The following NRXN1 variants were observed in gnomAD, a reference collection of about 807,000 sequenced individuals.
NRXN1 encodes the protein neurexin 1.
Under a neutral mutation model 150.9 loss-of-function variants are expected in NRXN1, and 39 were observed. That is an observed-to-expected ratio of 0.26 (90% CI 0.20 to 0.34). The LOEUF is 0.34. Among genes scored for constraint, NRXN1 ranks in the 10% least tolerant of loss-of-function variants. The pLI, the probability that NRXN1 is intolerant of heterozygous loss-of-function variation, is 1.00. For synonymous variants in NRXN1, 924 were observed against 757.0 expected (o/e 1.22, Z -3.62); for missense variants, 1,815 against 1,949.9 (o/e 0.93, Z 1.30).
At chr2:50,518,066 A>G (rs891214104) in intron 12 of NRXN1, among the ~76,000 whole-genome samples, 1 of 152,134 alleles carries the variant, frequency 6.6e-6, no homozygotes, top group Non-Finnish European at 1.5e-5. Flanking sequence ...CCCATTTATG[A>G]CAGACAAGGA....
rs2078142699 is a variant in NRXN1 at position 50,347,742 on chromosome 2, GAAAAAGAA to G, written c.3365-110780_3365-110773del. 5 of 986,220 alleles carry G rather than the reference GAAAAAGAA, an allele frequency of 5.1e-6. No individual in the cohort carries two copies. Among genetic ancestry groups the G allele is most frequent in the Non-Finnish European group, 6.0e-6 (5 of 830,610 alleles). 61.1% of individuals were successfully genotyped at this position (986,220 alleles called of 1,614,324 possible). Reference sequence around the variant, plus strand: ...AGGGAGAGAAACAGAAAAAGAAAAAGAAAAAGAAAAAAAGAAAAGAAAAACCACACACG... The same window carrying G: ...AGGGAGAGAAACAGAAAAAGAAAAAGAAAAAGAAAAGAAAAACCACACACG... On this transcript the variant is annotated intron_variant, in intron 17 of 22. Transcript: ENST00000401669. The surrounding 1 kb of genome is among the most constrained non-coding windows in gnomAD (Gnocchi z 4.9).
chr2:50,895,959 C>T (rs534439332), intron 5 of NRXN1, among the ~76,000 whole-genome samples: 1 of 152,128 alleles, frequency 6.6e-6, no homozygotes, highest in East Asian at 1.9e-4. Context: ...GCTCCACAAC[C>T]CTCCAAAGCT....
intron 5 of NRXN1, among the ~76,000 whole-genome samples, chr2:50,786,390 A>G (rs536460792): frequency 3.3e-4 from 51 of 152,250 alleles, no homozygotes; most frequent in Non-Finnish European, 6.3e-4. Context: ...CACTCTCAGT[A>G]CCTACCAGTT....
chr2:50,561,218 G>A (rs972566650), intron 8 of NRXN1, among the ~76,000 whole-genome samples: 5 of 152,178 alleles, frequency 3.3e-5, no homozygotes, highest in African/African-American at 1.2e-4. Flanking sequence ...GAAAGACTGA[G>A]TTGTCCTTGG....
At chr2:50,944,386 G>A (rs1436958723) in intron 2 of NRXN1, among the ~76,000 whole-genome samples, 2 of 152,164 alleles carry the variant, frequency 1.3e-5, no homozygotes, top group East Asian at 3.9e-4. Flanking sequence ...GTGAGCCTCA[G>A]TCACCCTATC....
At chr2:50,817,005 C>T (rs1294611674) in intron 5 of NRXN1, among the ~76,000 whole-genome samples, 1 of 151,970 alleles carries the variant, frequency 6.6e-6, no homozygotes, top group African/African-American at 2.4e-5. Context: ...ACACAGGGCT[C>T]TCGGAGATCA....
At chr2:50,079,918 G>C (rs1217764015) in intron 19 of NRXN1, among the ~76,000 whole-genome samples, 1 of 151,980 alleles carries the variant, frequency 6.6e-6, no homozygotes, top group African/African-American at 2.4e-5. Context: ...ACCCACAGTC[G>C]AATGCAGTCT....
intron 18 of NRXN1, among the ~76,000 whole-genome samples, chr2:50,131,341 T>A (rs964708880): frequency 1.3e-5 from 2 of 152,216 alleles, no homozygotes; most frequent in Non-Finnish European, 2.9e-5. Context: ...CTGTTTAAGT[T>A]TATTCAATTA....
rs1248006956 is a variant in NRXN1, at chr2:50,614,086, A to G, written c.1320+5936T>C. ...CCCGAAAGAGTGAGGGATGAGGCATATGGGAAGGTCAATGTAAGTAAATTG... is the reference window on the plus strand; with the variant it reads ...CCCGAAAGAGTGAGGGATGAGGCATGTGGGAAGGTCAATGTAAGTAAATTG... On this transcript the variant is annotated intron_variant, in intron 8 of 22. Coordinates refer to ENST00000401669, the MANE Select transcript of NRXN1 (RefSeq NM_001330078.2). Among the ~76,000 whole-genome samples the G allele has an allele frequency of 2.6e-5, 4 of 152,164 alleles. No homozygotes were observed. The East Asian group carries it at 7.7e-4, about 29-fold the overall frequency.
chr2:50,069,528 T>C (rs1212016074), intron 19 of NRXN1, among the ~76,000 whole-genome samples: 1 of 152,210 alleles, frequency 6.6e-6, no homozygotes, highest in East Asian at 1.9e-4. Context: ...TAAAAAGCAG[T>C]GAAATATTTG....
intron 5 of NRXN1, among the ~76,000 whole-genome samples, chr2:50,641,121 C>T (rs1684015095): frequency 6.6e-6 from 1 of 152,070 alleles, no homozygotes; most frequent in Non-Finnish European, 1.5e-5. Flanking sequence ...TTTCCTTCTT[C>T]TAATAGAAAA....
At chr2:50,124,864 T>G (rs1704346335) in intron 18 of NRXN1, among the ~76,000 whole-genome samples, 1 of 152,186 alleles carries the variant, frequency 6.6e-6, no homozygotes, top group South Asian at 2.1e-4. Flanking sequence ...AGATCCCAGT[T>G]CCTCCTGCTG....
intron 5 of NRXN1, among the ~76,000 whole-genome samples, chr2:50,657,473 G>A (rs1295061217): frequency 1.3e-5 from 2 of 152,008 alleles, no homozygotes; most frequent in Non-Finnish European, 2.9e-5. Flanking sequence ...GAATATGAGT[G>A]ACAGAGGACA....
At chr2:49,958,140 G>A (rs1219930936) in intron 21 of NRXN1, among the ~76,000 whole-genome samples, 1 of 152,058 alleles carries the variant, frequency 6.6e-6, no homozygotes, top group East Asian at 1.9e-4. Context: ...CAAGAATTTT[G>A]CTAATTGTCT....
chr2:51,002,075 T>G (rs1243650207), intron 2 of NRXN1, among the ~76,000 whole-genome samples: 1 of 152,022 alleles, frequency 6.6e-6, no homozygotes, highest in Non-Finnish European at 1.5e-5. Flanking sequence ...TGTCCACTCT[T>G]CATCAAACCT....
At chr2:50,644,928 C>T (rs1684605436) in intron 5 of NRXN1, among the ~76,000 whole-genome samples, 2 of 148,302 alleles carry the variant, frequency 1.3e-5, no homozygotes, top group South Asian at 4.2e-4. Context: ...ATTTCTTTTT[C>T]AAAAGCATGG....
chr2:50,334,209 A>ATGTATG (rs1553458099), intron 17 of NRXN1, among the ~76,000 whole-genome samples: 1 of 121,440 alleles, frequency 8.2e-6, no homozygotes, highest in African/African-American at 4.4e-5. Context: ...ATATATATAT[A>ATGTATG]TATGTATGTA....
chr2:50,365,628 G>A (rs2079530644), intron 17 of NRXN1, among the ~76,000 whole-genome samples: 1 of 151,922 alleles, frequency 6.6e-6, no homozygotes. Flanking sequence ...AGTTTTTAAT[G>A]TCTTAAAATC....
chr2:50,603,235 A>T (rs1029637795), intron 8 of NRXN1, among the ~76,000 whole-genome samples: 2 of 152,166 alleles, frequency 1.3e-5, no homozygotes, highest in African/African-American at 4.8e-5. Context: ...CATATACCCT[A>T]TGACTGGACT....
Sources: gnomAD v4.1 joint callset for allele counts (sites outside exome capture counted in the v4.1 genomes callset) on GRCh38, gnomAD v4.1.1 for gene constraint, Gnocchi (gnomAD v3.1) non-coding constraint, MANE v1.5 for transcripts, NCBI Gene and HGNC (gene_info 2026-07-23, HGNC 2026-07-21) for gene names.